Variants in TNRC6B observed in about 807,000 individuals in gnomAD.
TNRC6B encodes the protein trinucleotide repeat-containing gene 6B protein.
Under a neutral mutation model 203.6 loss-of-function variants are expected in TNRC6B, and 52 were observed. The observed-to-expected ratio is 0.26, with a 90% CI of 0.20 to 0.32. The LOEUF is 0.32. TNRC6B is among the 10% of genes least tolerant of loss of function. The pLI is 1.00. For synonymous variants in TNRC6B, 838 were observed against 845.7 expected (o/e 0.99, Z 0.16); for missense variants, 1,923 against 2,286.2 (o/e 0.84, Z 3.24).
chr22:40,274,874 C>A (rs771160673), intron 7 of TNRC6B, among the ~76,000 whole-genome samples: 1 of 152,160 alleles, frequency 6.6e-6, no homozygotes, highest in Non-Finnish European at 1.5e-5. Flanking sequence ...CGCAGACCCT[C>A]TCTTTTTTCA....
chr22:40,131,313 G>A (rs1038827559), intron 3 of TNRC6B, among the ~76,000 whole-genome samples: 11 of 152,050 alleles, frequency 7.2e-5, no homozygotes, highest in African/African-American at 2.7e-4. Flanking sequence ...CATTTTCTTG[G>A]AGAGAGATGT....
chr22:40,121,872 A>G (rs1248750759), intron 2 of TNRC6B, among the ~76,000 whole-genome samples: 1 of 152,240 alleles, frequency 6.6e-6, no homozygotes, highest in Non-Finnish European at 1.5e-5. Context: ...CTGTGTGCCT[A>G]TGGTTTATAA....
chr22:40,322,799 G>C (rs41281261), intron 22 of TNRC6B, 55 bp from the exon 23 acceptor site: 1 of 1,605,116 alleles, frequency 6.2e-7, no homozygotes, highest in Non-Finnish European at 8.5e-7. Context: ...CGCTCCCTCC[G>C]TATGCTTTAG....
intron 1 of TNRC6B, among the ~76,000 whole-genome samples, chr22:40,089,460 T>C (rs1569256489): frequency 6.6e-6 from 1 of 152,142 alleles, no homozygotes; most frequent in Admixed American, 6.5e-5. Context: ...TGTGAACTCC[T>C]GACCTCAAAT....
chr22:40,048,722 TAC>T (rs2067716815), intron 1 of TNRC6B, among the ~76,000 whole-genome samples: 2 of 152,338 alleles, frequency 1.3e-5, no homozygotes, highest in Non-Finnish European at 1.5e-5. Context: ...CACATGAATG[TAC>T]ACAGTCAGGA....
intron 3 of TNRC6B, among the ~76,000 whole-genome samples, chr22:40,128,943 A>AT (rs986393187): frequency 1.3e-5 from 2 of 152,186 alleles, no homozygotes; most frequent in African/African-American, 4.8e-5. Context: ...ATAAATAAAG[A>AT]TAATAATTAT....
chr22:40,236,818 C>G (rs2069954283), intron 1 of TNRC6B, among the ~76,000 whole-genome samples: 1 of 152,192 alleles, frequency 6.6e-6, no homozygotes, highest in South Asian at 2.1e-4. Flanking sequence ...GCACGATGGG[C>G]TCAGAGACAT....
At chr22:40,073,861 C>T (rs1390078005) in intron 1 of TNRC6B, among the ~76,000 whole-genome samples, 4 of 152,082 alleles carry the variant, frequency 2.6e-5, no homozygotes, top group Non-Finnish European at 5.9e-5. Context: ...AGTTCGAGAC[C>T]AACCTGGCCA....
intron 1 of TNRC6B, among the ~76,000 whole-genome samples, chr22:40,197,387 C>T (rs1201682467): frequency 1.3e-5 from 2 of 151,916 alleles, no homozygotes; most frequent in Non-Finnish European, 2.9e-5. Flanking sequence ...CGGGTTCAAG[C>T]GATTCTCCTG....
chr22:40,074,862 G>A (rs901248591), intron 1 of TNRC6B, among the ~76,000 whole-genome samples: 6 of 152,032 alleles, frequency 3.9e-5, no homozygotes. Flanking sequence ...GGAGGCTTAG[G>A]TGGGAGGATT....
intron 1 of TNRC6B, among the ~76,000 whole-genome samples, chr22:40,230,677 C>A (rs1437866445): frequency 6.6e-6 from 1 of 152,082 alleles, no homozygotes; most frequent in Non-Finnish European, 1.5e-5. Context: ...ATAACTTTTT[C>A]TCAGTCTGTG....
At chr22:40,197,172 G>A (rs1188340179) in intron 1 of TNRC6B, among the ~76,000 whole-genome samples, 1 of 152,122 alleles carries the variant, frequency 6.6e-6, no homozygotes, top group Admixed American at 6.6e-5. Context: ...TGGCTTTATG[G>A]TGTCCTCAGC....
intron 17 of TNRC6B, 60 bp from the exon 18 acceptor site, chr22:40,312,445 G>A (rs2071197169): frequency 2.6e-6 from 4 of 1,524,634 alleles, no homozygotes; most frequent in East Asian, 2.3e-5. Context: ...GTCAAAAAAA[G>A]TACTATATCA....
At chr22:40,245,740 G>A (rs2070098611) in intron 1 of TNRC6B, among the ~76,000 whole-genome samples, 1 of 152,004 alleles carries the variant, frequency 6.6e-6, no homozygotes, top group Non-Finnish European at 1.5e-5. Context: ...GTTTGTGTGT[G>A]TATTCTTTTA....
chr22:40,091,004 C>T (rs780430439), intron 1 of TNRC6B, among the ~76,000 whole-genome samples: 95 of 152,206 alleles, frequency 6.2e-4, no homozygotes, highest in Non-Finnish European at 8.2e-4. Flanking sequence ...TTTTTTGAGA[C>T]GGAGTCTCAC....
In TNRC6B at chr22:40,207,418, AAT is replaced by A. The variant is rs55644816; in HGVS notation, c.5+29303_5+29304del. ...TGAGACCCTGCCTCAAAAAAAAAAA[AAT>A]ATATATATATATATATATATATATG... On this transcript the variant is annotated intron_variant, in intron 1 of 22. Transcript: ENST00000454349. 2.3e-3 allele frequency among the ~76,000 whole-genome samples: 295 copies of A among 128,722 alleles called. 1 individual carries two copies. Among genetic ancestry groups the A allele is most frequent in the African/African-American group, 4.6e-3 (155 of 33,904 alleles). 84.4% of individuals were successfully genotyped at this position (128,722 alleles called of 152,430 possible).
At chr22:40,206,503 T>C (rs2069479915) in intron 1 of TNRC6B, among the ~76,000 whole-genome samples, 1 of 152,222 alleles carries the variant, frequency 6.6e-6, no homozygotes, top group Admixed American at 6.5e-5. Context: ...TTTTTAAAAA[T>C]GTCAATTCTT....
At chr22:40,261,404 C>G (rs1158693124) in intron 3 of TNRC6B, among the ~76,000 whole-genome samples, 1 of 152,094 alleles carries the variant, frequency 6.6e-6, no homozygotes, top group Non-Finnish European at 1.5e-5. Context: ...TAGTGAAAAC[C>G]TGTCTGTACT....
chr22:40,256,347 T>C (rs1275708392), intron 3 of TNRC6B, among the ~76,000 whole-genome samples: 1 of 151,240 alleles, frequency 6.6e-6, no homozygotes, highest in Non-Finnish European at 1.5e-5. Context: ...ATTGATTTTG[T>C]TTTGTTTTGT....
Sources: gnomAD v4.1 joint callset for allele counts (sites outside exome capture counted in the v4.1 genomes callset) on GRCh38, gnomAD v4.1.1 for gene constraint, MANE v1.5 for transcripts, NCBI Gene and HGNC (gene_info 2026-07-23, HGNC 2026-07-21) for gene names.